Variants in ASIC2 observed in about 807,000 individuals in gnomAD.
ASIC2 encodes the protein acid-sensing ion channel 2.
ASIC2 carries 25 observed loss-of-function variants against 57.3 expected under a neutral mutation model. The observed-to-expected ratio is 0.44, with a 90% CI of 0.32 to 0.61. The LOEUF (loss-of-function observed/expected upper bound fraction) is 0.61, where lower values mean the gene tolerates loss of function less well. Ranked by LOEUF, ASIC2 falls within the 20% of genes least tolerant of loss-of-function variation. The pLI is 0.06. For synonymous variants in ASIC2, 319 were observed against 307.5 expected (o/e 1.04, Z -0.39); for missense variants, 641 against 738.1 (o/e 0.87, Z 1.52).
intron 1 of ASIC2, among the ~76,000 whole-genome samples, chr17:33,949,635 C>A (rs1904496209): frequency 1.3e-5 from 2 of 152,076 alleles, no homozygotes; most frequent in Non-Finnish European, 2.9e-5. Context: ...GCGTCATGTC[C>A]TCCCTCAAAT....
intron 1 of ASIC2, among the ~76,000 whole-genome samples, chr17:33,659,294 T>G (rs943522896): frequency 2.0e-5 from 3 of 152,004 alleles, no homozygotes; most frequent in Non-Finnish European, 2.9e-5. Context: ...AGTTCCTTCT[T>G]AGTACAGTCC....
chr17:33,906,425 A>G (rs1037840317), intron 1 of ASIC2, among the ~76,000 whole-genome samples: 7 of 152,192 alleles, frequency 4.6e-5, no homozygotes, highest in African/African-American at 1.7e-4. Context: ...CCTATCTTCA[A>G]TGCTGAGTAA....
In ASIC2 at chr17:33,840,416, C is replaced by T. The variant is rs188466287; in HGVS notation, c.555+315562G>A. Among the ~76,000 whole-genome samples the T allele has an allele frequency of 2.0e-4, 31 of 152,270 alleles. No homozygotes were observed. In the East Asian group the frequency reaches 4.6e-3, roughly 23 times the overall value. On this transcript the variant is annotated intron_variant, in intron 1 of 9. Transcript: ENST00000359872. ...AAGACGCTTCAGGCATGGGAAACAGCTTATGCTAAGGCATGAAGGAGTGTA... is the reference window on the plus strand; with the variant it reads ...AAGACGCTTCAGGCATGGGAAACAGTTTATGCTAAGGCATGAAGGAGTGTA...
At chr17:33,227,622 G>A (rs1246383316) in intron 1 of ASIC2, among the ~76,000 whole-genome samples, 3 of 152,146 alleles carry the variant, frequency 2.0e-5, no homozygotes, top group Non-Finnish European at 2.9e-5. Context: ...CTGTAGTTAA[G>A]GAACAGGTGG....
chr17:33,684,520 G>A (rs2142059717), intron 1 of ASIC2, among the ~76,000 whole-genome samples: 1 of 152,312 alleles, frequency 6.6e-6, no homozygotes, highest in Middle Eastern at 3.4e-3. Flanking sequence ...TCATTTTAGA[G>A]CTGACTTCCC....
intron 1 of ASIC2, among the ~76,000 whole-genome samples, chr17:33,625,145 A>G (rs958366175): frequency 2.6e-4 from 39 of 151,948 alleles, no homozygotes; most frequent in Admixed American, 5.3e-4. Context: ...CTATCTATCT[A>G]TCTATCTATC....
intron 1 of ASIC2, among the ~76,000 whole-genome samples, chr17:33,712,622 G>A (rs1909076080): frequency 7.2e-6 from 1 of 139,482 alleles, no homozygotes; most frequent in Admixed American, 7.2e-5. Flanking sequence ...TTGCTTCCAA[G>A]CTTACTCATA....
At chr17:33,900,834 G>T (rs1915217191) in intron 1 of ASIC2, among the ~76,000 whole-genome samples, 1 of 152,192 alleles carries the variant, frequency 6.6e-6, no homozygotes, top group Non-Finnish European at 1.5e-5. Context: ...TTCCATGCAG[G>T]AGGATGCAAA....
At chr17:33,670,089 C>T (rs780488683) in intron 1 of ASIC2, among the ~76,000 whole-genome samples, 7 of 152,136 alleles carry the variant, frequency 4.6e-5, no homozygotes, top group Non-Finnish European at 7.4e-5. Context: ...CAGGACACCC[C>T]ACCCTGGCAC....
intron 1 of ASIC2, among the ~76,000 whole-genome samples, chr17:33,366,816 A>C (rs1188574490): frequency 2.6e-5 from 4 of 152,186 alleles, no homozygotes; most frequent in Non-Finnish European, 4.4e-5. Context: ...TCTAAGTTAT[A>C]GTTTTCTATC....
At chr17:34,095,635 A>ATATATATATATATATATATAATTTTT (rs1910500642) in intron 1 of ASIC2, among the ~76,000 whole-genome samples, 2 of 98,024 alleles carry the variant, frequency 2.0e-5, no homozygotes, top group Non-Finnish European at 4.3e-5. Context: ...ATATAATTTT[A>ATATATATATATATATATATAATTTTT]TATATATATA....
intron 1 of ASIC2, among the ~76,000 whole-genome samples, chr17:33,461,924 AT>A (rs1912649940): frequency 1.3e-5 from 2 of 152,244 alleles, no homozygotes; most frequent in Non-Finnish European, 2.9e-5. Flanking sequence ...CCGCCTAGCC[AT>A]TCATCTAACA....
chr17:33,143,532 T>C (rs996093120), intron 1 of ASIC2, among the ~76,000 whole-genome samples: 4 of 151,968 alleles, frequency 2.6e-5, no homozygotes, highest in African/African-American at 9.7e-5. Context: ...GAATAGAAAA[T>C]TGTCAGAATG....
Position 33,593,405 on chromosome 17 carries a change from C to T in ASIC2, c.556-481338G>A, listed in dbSNP as rs73984083. Reference sequence around the variant, plus strand: ...TGTGGCTAGGTTATCTTCAAGGGCTCGCCCATCACTGATGTTTTGTGCTTT... The same window carrying T: ...TGTGGCTAGGTTATCTTCAAGGGCTTGCCCATCACTGATGTTTTGTGCTTT... On this transcript the variant is annotated intron_variant, in intron 1 of 9. Coordinates refer to the ASIC2 transcript ENST00000359872. Among the ~76,000 whole-genome samples the T allele has an allele frequency of 1.1e-3, 165 of 152,202 alleles. 1 individual carries two copies. Among genetic ancestry groups the T allele is most frequent in the African/African-American group, 3.9e-3 (161 of 41,524 alleles).
intron 1 of ASIC2, among the ~76,000 whole-genome samples, chr17:33,904,482 A>G (rs901540936): frequency 1.3e-5 from 2 of 152,220 alleles, no homozygotes; most frequent in Non-Finnish European, 2.9e-5. Context: ...AGGGATTGCA[A>G]TTCAAATGTT....
At chr17:33,026,129 G>A (rs1189088652) in intron 4 of ASIC2, 147 bp from the exon 5 acceptor site, 4 of 753,030 alleles carry the variant, frequency 5.3e-6, no homozygotes, top group African/African-American at 1.8e-5. Flanking sequence ...AGGGAGCCTT[G>A]GATCACAGTG....
chr17:33,358,932 C>G (rs1426862438), intron 1 of ASIC2, among the ~76,000 whole-genome samples: 1 of 152,228 alleles, frequency 6.6e-6, no homozygotes, highest in Non-Finnish European at 1.5e-5. Context: ...CTACAAATTT[C>G]TAGCCAAAAG....
At chr17:33,335,079 G>A (rs1243391701) in intron 1 of ASIC2, among the ~76,000 whole-genome samples, 1 of 152,176 alleles carries the variant, frequency 6.6e-6, no homozygotes, top group Admixed American at 6.5e-5. Context: ...ATTCAAAAGA[G>A]ACAGGTCTAT....
At chr17:33,694,703 G>C (rs1908475044) in intron 1 of ASIC2, among the ~76,000 whole-genome samples, 1 of 152,202 alleles carries the variant, frequency 6.6e-6, no homozygotes, top group Admixed American at 6.5e-5. Context: ...GCCAGAGAGA[G>C]AACAGGGGGT....
Sources: allele counts gnomAD v4.1 joint callset (sites outside exome capture counted in the v4.1 genomes callset), GRCh38; gene constraint gnomAD v4.1.1; transcripts MANE v1.5; gene names NCBI Gene and HGNC (gene_info 2026-07-23, HGNC 2026-07-21).